POLA2: variants seen among roughly 807,000 people sequenced by gnomAD.
POLA2 encodes DNA polymerase alpha 2, accessory subunit, also known as DNA polymerase alpha subunit B.
POLA2 carries 47 observed loss-of-function variants against 82.8 expected under a neutral mutation model. The ratio of observed to expected loss-of-function variants is 0.57; its 90% confidence interval spans 0.45 to 0.72. The LOEUF is 0.72. Ranked by LOEUF, POLA2 falls within the 30% of genes least tolerant of loss-of-function variation. The pLI, the probability that POLA2 is intolerant of heterozygous loss-of-function variation, is 0.00. For synonymous variants in POLA2, 287 were observed against 286.8 expected (o/e 1.00, Z -0.01); for missense variants, 634 against 728.1 (o/e 0.87, Z 1.49).
chr11:65,285,514 A>C (rs1202535475), intron 10 of POLA2, among the ~76,000 whole-genome samples: 1 of 150,750 alleles, frequency 6.6e-6, no homozygotes, highest in South Asian at 2.1e-4. Flanking sequence ...CAAGGCTGCC[A>C]TGAGCCATGA....
At chr11:65,304,525 A>G (rs188695314) in intron 8 of POLA2, among the ~76,000 whole-genome samples, 88 of 152,258 alleles carry the variant, frequency 5.8e-4, no homozygotes, top group Middle Eastern at 6.8e-3. Context: ...CTATGATCCA[A>G]TGGAAAATGG....
chr11:65,283,204 G>A (rs1163811745), intron 10 of POLA2, among the ~76,000 whole-genome samples: 3 of 152,238 alleles, frequency 2.0e-5, no homozygotes, highest in East Asian at 3.9e-4. Flanking sequence ...TGAAGAGAAC[G>A]GGAACATCAG....
chr11:65,272,465 C>A (rs575253147), intron 4 of POLA2, among the ~76,000 whole-genome samples: 1 of 152,158 alleles, frequency 6.6e-6, no homozygotes, highest in African/African-American at 2.4e-5. Context: ...AAATATTTCA[C>A]CTGTACGATT....
intron 2 of POLA2, 127 bp from the exon 3 acceptor site, chr11:65,267,348 CTT>C (rs1427147919): frequency 8.5e-6 from 5 of 590,840 alleles, no homozygotes; most frequent in African/African-American, 7.6e-5. Flanking sequence ...CTGTGTGTAT[CTT>C]AATTCTTTGA....
chr11:65,289,011 T>C, intron 11 of POLA2, 39 bp from the exon 12 acceptor site: 1 of 1,597,152 alleles, frequency 6.3e-7, no homozygotes, highest in Non-Finnish European at 8.6e-7. Flanking sequence ...CAAGTGATTC[T>C]GATTTGTTCT....
chr11:65,288,666 A>T (rs1949723745), intron 11 of POLA2, among the ~76,000 whole-genome samples: 1 of 151,822 alleles, frequency 6.6e-6, no homozygotes, highest in African/African-American at 2.4e-5. Context: ...CTACAGGCAC[A>T]CGCCACCATG....
chr11:65,288,077 G>A (rs1291719567), intron 11 of POLA2, among the ~76,000 whole-genome samples: 8 of 152,172 alleles, frequency 5.3e-5, no homozygotes, highest in Non-Finnish European at 5.9e-5. Context: ...AGGCCGAGAT[G>A]TGTGGATCAC....
intron 13 of POLA2, among the ~76,000 whole-genome samples, chr11:65,291,166 T>G (rs552930312): frequency 7.9e-5 from 12 of 152,036 alleles, no homozygotes; most frequent in Non-Finnish European, 1.8e-4. Context: ...GTGGTAGATC[T>G]CCTCACAAGA....
In POLA2 at chr11:65,289,061, C is replaced by A; in HGVS notation, c.1143C>A (p.Phe381Leu). 1.9e-6 allele frequency: 3 copies of A among 1,613,596 alleles called. No homozygotes were observed. Among genetic ancestry groups the A allele is most frequent in the Non-Finnish European group, 2.5e-6 (3 of 1,179,712 alleles). The change falls in exon 12 of 18, where the codon TTC becomes TTA. Residue 381 changes from phenylalanine (F) to leucine (L), a missense_variant. By Grantham distance (22) the Phe-to-Leu change is conservative. Transcript: ENST00000265465. ...TTCTCCCCTTGCAGTTTGGCCCTTT[C>A]CTGGATGCTAAGCATGAACAGGTGG... ...RPDVCILFGP[F>L]LDAKHEQVEN...
intron 17 of POLA2, 54 bp from the exon 18 acceptor site, chr11:65,297,066 G>A: frequency 6.3e-7 from 1 of 1,591,406 alleles, no homozygotes; most frequent in Non-Finnish European, 8.6e-7. Flanking sequence ...TTTTCACATT[G>A]GTTCCCAGTT....
chr11:65,297,659 A>G lies in POLA2; in HGVS notation c.*390A>G, dbSNP rs189284056. 6.4e-6 allele frequency: 1 copy of G among 157,156 alleles called. No homozygotes were observed. The highest frequency in any genetic ancestry group is 1.4e-5 in the Non-Finnish European group (1 of 71,232). The allele number at this position is 157,156 out of a possible 1,614,324, so 9.7% of individuals were successfully genotyped here. On this transcript the variant is annotated 3_prime_UTR_variant, in exon 18 of 18. Transcript: ENST00000265465. ...TTCTTCTATTTTCTTTTATTTATTT[A>G]TTTTGTTTTTAGACGGAGTCTCGAT...
Position 65,262,170 on chromosome 11 carries a change from C to T in POLA2, c.-123C>T. On this transcript the variant is annotated 5_prime_UTR_variant, in exon 1 of 18. Transcript: ENST00000265465. ...CTTGCTTGGGCCAGTCACCTCCTGTCACGGTCCGCGGAGGGGGGAAGGATA... is the reference window on the plus strand; with the variant it reads ...CTTGCTTGGGCCAGTCACCTCCTGTTACGGTCCGCGGAGGGGGGAAGGATA... The T allele has an allele frequency of 1.4e-6, 1 of 728,528 alleles. No homozygotes were observed. 45.1% of individuals were successfully genotyped at this position (728,528 alleles called of 1,614,324 possible).
downstream of POLA2, among the ~76,000 whole-genome samples, chr11:65,303,313 G>A (rs563786639): frequency 2.7e-5 from 4 of 146,678 alleles, no homozygotes; most frequent in South Asian, 8.6e-4. Context: ...CTGCACTCCA[G>A]CCTGGGCAAC....
chr11:65,299,930 G>A (rs1949850414), downstream of POLA2, among the ~76,000 whole-genome samples: 1 of 151,910 alleles, frequency 6.6e-6, no homozygotes, highest in Admixed American at 6.6e-5. Flanking sequence ...GACCTCAAGT[G>A]ATCCACCCGC....
intron 10 of POLA2, among the ~76,000 whole-genome samples, chr11:65,282,952 G>T (rs909762328): frequency 2.6e-5 from 4 of 152,172 alleles, no homozygotes; most frequent in African/African-American, 9.6e-5. Flanking sequence ...AACATAGGGA[G>T]ACCCTGTCTC....
chr11:65,297,420 G>C lies in POLA2; in HGVS notation c.*151G>C. On this transcript the variant is annotated 3_prime_UTR_variant, in exon 18 of 18. Coordinates refer to ENST00000265465, the MANE Select transcript of POLA2 (RefSeq NM_002689.4). ...CAGCTGCAGTGACCAGGCCCAGCAG[G>C]GAGGACTTGTGCAGCCGGGCCTGCC... The C allele has an allele frequency of 1.1e-6, 1 of 874,488 alleles. No individual in the cohort carries two copies. Among genetic ancestry groups the C allele is most frequent in the Non-Finnish European group, 1.6e-6 (1 of 614,574 alleles). 54.2% of individuals were successfully genotyped at this position (874,488 alleles called of 1,614,324 possible).
chr11:65,286,564 A>AT (rs1298411635), intron 10 of POLA2, among the ~76,000 whole-genome samples: 1 of 151,908 alleles, frequency 6.6e-6, no homozygotes, highest in African/African-American at 2.4e-5. Context: ...TAATTTTTGT[A>AT]TTTTTTGTAG....
chr11:65,278,099 T>C (rs1949600439), intron 5 of POLA2, among the ~76,000 whole-genome samples: 1 of 152,156 alleles, frequency 6.6e-6, no homozygotes, highest in Admixed American at 6.5e-5. Context: ...ATCAGCAATA[T>C]CCATGTGTTC....
intron 10 of POLA2, among the ~76,000 whole-genome samples, chr11:65,283,562 C>T (rs935210829): frequency 9.9e-5 from 15 of 152,082 alleles, no homozygotes; most frequent in African/African-American, 3.4e-4. Flanking sequence ...CTCCGCCTCC[C>T]GGGTTCAGGT....
Sources: allele counts gnomAD v4.1 joint callset (sites outside exome capture counted in the v4.1 genomes callset), GRCh38; gene constraint gnomAD v4.1.1; transcripts MANE v1.5; gene names NCBI Gene and HGNC (gene_info 2026-07-23, HGNC 2026-07-21).